Variants in NLRP11 observed in about 807,000 individuals in gnomAD.
The protein encoded by NLRP11 is NLR family pyrin domain containing 11.
In NLRP11, 53 loss-of-function variants were observed where a neutral mutation model predicts 79.3. The ratio of observed to expected loss-of-function variants is 0.67; its 90% confidence interval spans 0.54 to 0.84. The LOEUF (loss-of-function observed/expected upper bound fraction) is 0.84. NLRP11 is among the 40% of genes least tolerant of loss of function. The probability of loss-of-function intolerance (pLI) is 0.00; values close to 1 mark genes in which losing one functional copy is unlikely to be tolerated. For synonymous variants in NLRP11, 518 were observed against 462.6 expected (o/e 1.12, Z -1.54); for missense variants, 1,264 against 1,255.0 (o/e 1.01, Z -0.11).
chr19:55,788,921 G>C (rs150476919), exon 9 of NLRP11: 15 of 1,613,776 alleles, frequency 9.3e-6, no homozygotes, highest in Non-Finnish European at 1.1e-5. Flanking sequence ...TTTGTTGGTG[G>C]TAAGAACAGA....
chr19:55,799,285 A>T (rs970458975), intron 5 of NLRP11, among the ~76,000 whole-genome samples: 1 of 152,186 alleles, frequency 6.6e-6, no homozygotes, highest in African/African-American at 2.4e-5. Flanking sequence ...ATCAAAGTTG[A>T]TATCTCTACA....
At position 55,793,122 on chromosome 19, in the gene NLRP11, C is replaced by T. The variant is rs544785116; in HGVS notation, c.2343-651G>A. On this transcript the variant is annotated intron_variant, in intron 6 of 9. Transcript: ENST00000589093. ...CTTGAACTCCTGGGCTCAAGTGATC[C>T]GCCTGCCTTGGCCTCCCAAAGTGCC... 2.4e-4 allele frequency among the ~76,000 whole-genome samples: 36 copies of T among 152,290 alleles called. No homozygotes were observed. The South Asian group carries it at 6.2e-3, about 26-fold the overall frequency.
chr19:55,807,812 C>T lies in NLRP11; in HGVS notation c.2003+41G>A, dbSNP rs750098557. 16 of 1,411,848 alleles carry T rather than the reference C, an allele frequency of 1.1e-5. No homozygotes were observed. The Admixed American group carries it at 2.8e-4, about 24-fold the overall frequency. The allele number at this position is 1,411,848 out of a possible 1,614,324, so 87.5% of individuals were successfully genotyped here. On this transcript the variant is annotated intron_variant, in intron 4 of 9. Coordinates refer to ENST00000589093, the Ensembl canonical transcript of NLRP11. Reference sequence around the variant, plus strand: ...GAGAAAGAAAAAGACCACCGTTATTCCTAGGGGAACCTCTAAGGCAGAGGT... The same window carrying T: ...GAGAAAGAAAAAGACCACCGTTATTTCTAGGGGAACCTCTAAGGCAGAGGT...
In NLRP11 at chr19:55,817,820, G is replaced by GGAAA. The variant is rs1555803816; in HGVS notation, c.271+83_271+84insTTTC. ...CACCTGCTTCCCAGAAACCTATTTA[G>GGAAA]AAAAAAAAAAAAAAAAAGGCCCAAC... On this transcript the variant is annotated intron_variant, in intron 2 of 9. Coordinates refer to ENST00000589093, the Ensembl canonical transcript of NLRP11. 4.2e-3 allele frequency: 3,501 copies of GGAAA among 834,604 alleles called. 53 individuals carry two copies. Among genetic ancestry groups the GGAAA allele is most frequent in the African/African-American group, 0.019 (981 of 51,016 alleles). 51.7% of individuals were successfully genotyped at this position (834,604 alleles called of 1,614,324 possible).
At chr19:55,815,111 G>C (rs1980969626) in intron 2 of NLRP11, among the ~76,000 whole-genome samples, 2 of 140,080 alleles carry the variant, frequency 1.4e-5, no homozygotes, top group African/African-American at 3.2e-5. Flanking sequence ...ATCAAATTCA[G>C]GTTACAAAAA....
At chr19:55,792,121 A>G (rs1022271842) in intron 7 of NLRP11, among the ~76,000 whole-genome samples, 180 bp downstream of exon 7, 2 of 152,164 alleles carry the variant, frequency 1.3e-5, no homozygotes, top group Non-Finnish European at 2.9e-5. Context: ...CTTCTGAGCT[A>G]AAAGGTTTTG....
At chr19:55,792,250 G>A (rs553567513) in intron 7 of NLRP11, 51 bp downstream of exon 7, 2 of 1,517,984 alleles carry the variant, frequency 1.3e-6, no homozygotes, top group African/African-American at 2.7e-5. Flanking sequence ...CACCACCCAA[G>A]CCCTCATGCA....
intron 1 of NLRP11, among the ~76,000 whole-genome samples, chr19:55,821,201 T>TCACACACACA (rs1425868256): frequency 2.2e-5 from 2 of 89,330 alleles, no homozygotes; most frequent in Non-Finnish European, 4.4e-5. Flanking sequence ...TCTCTCTCTC[T>TCACACACACA]CTCTCACACA....
chr19:55,795,709 T>C (rs1010492841), intron 6 of NLRP11, among the ~76,000 whole-genome samples: 2 of 152,064 alleles, frequency 1.3e-5, no homozygotes, highest in Non-Finnish European at 2.9e-5. Context: ...AGGCTGGTCT[T>C]GAACTCCTGA....
chr19:55,818,670 A>G (rs966752962), intron 1 of NLRP11, among the ~76,000 whole-genome samples: 1 of 152,156 alleles, frequency 6.6e-6, no homozygotes, highest in Non-Finnish European at 1.5e-5. Context: ...CTGTATTTAC[A>G]ATGATTATAC....
chr19:55,832,962 C>A (rs897697068), upstream of NLRP11: 1 of 152,080 alleles, frequency 6.6e-6, no homozygotes, highest in Non-Finnish European at 1.5e-5. Flanking sequence ...ATTTGAATAT[C>A]CATGCAAACT....
chr19:55,799,957 A>T (rs1437665824), intron 5 of NLRP11, among the ~76,000 whole-genome samples: 1 of 152,148 alleles, frequency 6.6e-6, no homozygotes, highest in Non-Finnish European at 1.5e-5. Flanking sequence ...AAAAGAGTGA[A>T]ACTCTGTCTC....
chr19:55,815,670 A>G (rs1265709796), intron 2 of NLRP11, among the ~76,000 whole-genome samples: 3 of 152,224 alleles, frequency 2.0e-5, no homozygotes, highest in Admixed American at 1.3e-4. Context: ...GCTGGAGAGT[A>G]TTACGTCCAG....
chr19:55,789,259 C>T lies in NLRP11; in HGVS notation c.2654G>A (p.Arg885Lys), dbSNP rs762908354. The T allele has an allele frequency of 2.9e-5, 47 of 1,613,532 alleles. No homozygotes were observed. The South Asian group carries it at 5.1e-4, about 17-fold the overall frequency. Residue 885 changes from arginine (R) to lysine (K), a missense_variant, in exon 8 of 10, where the codon AGA becomes AAA. Coordinates refer to ENST00000589093, the Ensembl canonical transcript of NLRP11. ...ATTCACCAACATGCAGTTGGGATGT[C>T]TCAAACCACCACATAGCAGCTGCAT... is the stretch of plus-strand genomic sequence containing the variant.
rs755226231 is a variant in NLRP11, at chr19:55,813,563, C to T, written c.272-3225G>A. The stretch of plus-strand genomic sequence containing the variant: ...ATGTCGAGCCATCCCAGAAGAGGTA[C>T]TGGGTGAAGAAAGTGAAGAAAAGAA... On this transcript the variant is annotated intron_variant, in intron 2 of 9. Transcript: ENST00000589093. Among the ~76,000 whole-genome samples the T allele has an allele frequency of 6.2e-4, 94 of 152,102 alleles. 1 individual carries two copies. Among genetic ancestry groups the T allele is most frequent in the Non-Finnish European group, 4.0e-4 (27 of 68,024 alleles).
At chr19:55,790,495 A>G (rs1568626533) in intron 7 of NLRP11, among the ~76,000 whole-genome samples, 2 of 152,038 alleles carry the variant, frequency 1.3e-5, no homozygotes, top group African/African-American at 2.4e-5. Context: ...TTTATTTCCT[A>G]TCTCCCCCAG....
At chr19:55,785,539 ATC>A in exon 10 of NLRP11, 55 of 1,224,124 alleles carry the variant, frequency 4.5e-5, no homozygotes, top group Non-Finnish European at 6.0e-5. Context: ...ACACACACAC[ATC>A]AAATAGGAAA....
At chr19:55,835,944 C>T (rs138789466), upstream of NLRP11, among the ~76,000 whole-genome samples, 7,167 of 151,852 alleles carry the variant, frequency 0.047, 402 homozygotes, top group African/African-American at 0.13. Context: ...GCCAACATGG[C>T]GAAAGCCCGT....
rs1307843737 is a variant in NLRP11 at position 55,797,998 on chromosome 19, TA to T, written c.2172-1749del. ...GAAATGGTGTATTCTATATTATTAT[TA>T]TTTTTTTTTTTTTTGAGATGGAGTT... On this transcript the variant is annotated intron_variant, in intron 5 of 9. Transcript: ENST00000589093. Among the ~76,000 whole-genome samples, 72 of 21,004 alleles carry T rather than the reference TA, an allele frequency of 3.4e-3. 1 individual carries two copies. The highest frequency in any genetic ancestry group is 7.0e-3 in the African/African-American group (69 of 9,796). The allele number at this position is 21,004 out of a possible 152,430, so 13.8% of individuals were successfully genotyped here.
Sources: gnomAD v4.1 joint callset for allele counts (sites outside exome capture counted in the v4.1 genomes callset) on GRCh38, gnomAD v4.1.1 for gene constraint, MANE v1.5 for transcripts, NCBI Gene and HGNC (gene_info 2026-07-23, HGNC 2026-07-21) for gene names.